Variants in MMP8 observed in about 807,000 individuals in gnomAD.
The protein encoded by MMP8 is neutrophil collagenase.
In MMP8, 67 loss-of-function variants were observed where a neutral mutation model predicts 51.2. The ratio of observed to expected loss-of-function variants is 1.31; its 90% CI spans 1.08 to 1.60. The LOEUF (loss-of-function observed/expected upper bound fraction) is 1.60. MMP8 is among the 40% of genes most tolerant of loss of function. The probability of loss-of-function intolerance (pLI) is 0.00; values close to 1 mark genes in which losing one functional copy is unlikely to be tolerated. For missense variants in MMP8, 654 were observed against 558.1 expected, an observed-to-expected ratio of 1.17 and a Z score of -1.73; for synonymous variants, 225 against 191.0, an observed-to-expected ratio of 1.18 and a Z score of -1.47.
chr11:102,721,621 G>A lies in MMP8; in HGVS notation c.489C>T (p.Tyr163=). 1 of 1,613,756 alleles carries A rather than the reference G, an allele frequency of 6.2e-7. No individual in the cohort carries two copies. ...TGACTGCTTTGTACCTACCTCTTTG[G>A]TAAAAAGCAATGTTGATATCTGCCT... The part of the protein sequence containing the change: ...QGEADINIAF[Y]QRDHGDNSPF... The change falls in exon 3 of 10, where the codon TAC becomes TAT. Residue 163 remains tyrosine, a synonymous_variant. Transcript: ENST00000236826.
chr11:102,718,615 T>C, intron 4 of MMP8, 40 bp from the exon 5 acceptor site: 1 of 1,610,808 alleles, frequency 6.2e-7, no homozygotes, highest in Non-Finnish European at 8.5e-7. Flanking sequence ...TCAGTGTGGA[T>C]CCCAGGGTGG....
intron 5 of MMP8, among the ~76,000 whole-genome samples, chr11:102,717,844 C>A (rs757841452): frequency 6.6e-6 from 1 of 152,178 alleles, no homozygotes; most frequent in South Asian, 2.1e-4. Flanking sequence ...CAATGGCTCA[C>A]GCCTGTAATC....
intron 4 of MMP8, among the ~76,000 whole-genome samples, chr11:102,719,260 C>G (rs1176943088): frequency 2.0e-5 from 3 of 152,178 alleles, no homozygotes; most frequent in African/African-American, 7.2e-5. Context: ...CCTCTTTTGC[C>G]TGGCCTTCAA....
chr11:102,722,519 A>G lies in MMP8; in HGVS notation c.257T>C (p.Met86Thr). 1 of 1,613,940 alleles carries G rather than the reference A, an allele frequency of 6.2e-7. No homozygotes were observed. The highest frequency in any genetic ancestry group is 1.3e-5 in the African/African-American group (1 of 75,018). Residue 86 changes from methionine to threonine, a missense_variant, in exon 2 of 10, where the codon ATG (methionine) becomes ACG (threonine). Coordinates refer to ENST00000236826, the MANE Select transcript of MMP8 (RefSeq NM_002424.3). ...GKPNEETLDM[M>T]KKPRCGVPDS... is the part of the protein sequence containing the mutation. The stretch of plus-strand genomic sequence containing the variant: ...AGGCACTCCACAGCGAGGCTTTTTC[A>G]TCATGTCCAGAGTTTCCTCATTTGG...
Position 102,712,750 on chromosome 11 carries a change from T to C in MMP8, c.*598A>G, listed in dbSNP as rs1197272803. On this transcript the variant is annotated 3_prime_UTR_variant, in exon 10 of 10. Transcript: ENST00000236826. Reference sequence around the variant, plus strand: ...CAGTGTGATCTCACCTTAACTTAACTAATTACATCTGCAAAGACCCTGGTA... The same window carrying C: ...CAGTGTGATCTCACCTTAACTTAACCAATTACATCTGCAAAGACCCTGGTA... The C allele has an allele frequency of 1.3e-5, 2 of 152,234 alleles. No individual in the cohort carries two copies. Among genetic ancestry groups the C allele is most frequent in the Non-Finnish European group, 2.9e-5 (2 of 68,110 alleles). 9.4% of individuals were successfully genotyped at this position (152,234 alleles called of 1,614,324 possible).
chr11:102,715,186 A>G (rs1861251764), intron 7 of MMP8, 118 bp downstream of exon 7: 1 of 1,292,298 alleles, frequency 7.7e-7, no homozygotes, highest in African/African-American at 1.5e-5. Flanking sequence ...CTTCTGGCAA[A>G]AGCCTGGCCA....
rs11225393 is a variant in MMP8 at position 102,718,113 on chromosome 11, C to G, written c.784+301G>C. On this transcript the variant is annotated intron_variant, in intron 5 of 9. Coordinates refer to ENST00000236826, the MANE Select transcript of MMP8 (RefSeq NM_002424.3). ...CAGAGTGAGACTCCATCCCCCCCCCCAAAAAAAATTTAAAATTGGAAATTT... is the reference window on the plus strand; with the variant it reads ...CAGAGTGAGACTCCATCCCCCCCCCGAAAAAAAATTTAAAATTGGAAATTT... Among the ~76,000 whole-genome samples the G allele has an allele frequency of 1.5e-3, 155 of 100,320 alleles. 1 individual carries two copies. The highest frequency in any genetic ancestry group is 2.8e-3 in the Non-Finnish European group (129 of 45,698). 65.8% of individuals were successfully genotyped at this position (100,320 alleles called of 152,430 possible).
At chr11:102,716,771 T>A (rs1242618042) in intron 5 of MMP8, among the ~76,000 whole-genome samples, 1 of 152,170 alleles carries the variant, frequency 6.6e-6, no homozygotes, top group East Asian at 1.9e-4. Flanking sequence ...ATTGCCTCTC[T>A]CCTCACCAAA....
chr11:102,716,486 G>A (rs887568728), intron 5 of MMP8, 67 bp from the exon 6 acceptor site: 14 of 976,784 alleles, frequency 1.4e-5, no homozygotes, highest in Non-Finnish European at 2.1e-5. Context: ...TGACTCTTGG[G>A]TACATCAGAG....
intron 9 of MMP8, 53 bp from the exon 10 acceptor site, chr11:102,713,510 G>A: frequency 7.0e-7 from 1 of 1,424,982 alleles, no homozygotes; most frequent in African/African-American, 1.4e-5. Flanking sequence ...TATCTCAGAT[G>A]TCTTCAGTTA....
intron 1 of MMP8, chr11:102,723,594 A>G (rs776448012): frequency 2.3e-6 from 1 of 436,196 alleles, no homozygotes; most frequent in South Asian, 1.6e-5. Context: ...AGCATGTGTG[A>G]AAAGGGGCAA....
intron 5 of MMP8, among the ~76,000 whole-genome samples, chr11:102,717,223 T>C (rs1181469802): frequency 6.6e-6 from 1 of 152,164 alleles, no homozygotes; most frequent in Non-Finnish European, 1.5e-5. Context: ...AATCCCTTAT[T>C]GGTTTCTTGT....
rs1861163798 is a variant in MMP8 at position 102,712,828 on chromosome 11, G to A, written c.*520C>T. On this transcript the variant is annotated 3_prime_UTR_variant, in exon 10 of 10. Transcript: ENST00000236826. ...AGAACTTCAACATATCTTTTATGGG[G>A]GACACAATTCAACCCACGAAACATA... 6.6e-6 allele frequency: 1 copy of A among 152,262 alleles called. No individual in the cohort carries two copies. Among genetic ancestry groups the A allele is most frequent in the Non-Finnish European group, 1.5e-5 (1 of 68,222 alleles). 9.4% of individuals were successfully genotyped at this position (152,262 alleles called of 1,614,324 possible).
intron 4 of MMP8, among the ~76,000 whole-genome samples, chr11:102,719,252 T>C (rs1428637587): frequency 6.6e-6 from 1 of 152,124 alleles, no homozygotes; most frequent in African/African-American, 2.4e-5. Flanking sequence ...AAGCCCAACC[T>C]CTTTTGCCTG....
chr11:102,722,696 G>A (rs567182547), intron 1 of MMP8, 23 bp from the exon 2 acceptor site: 5 of 1,609,678 alleles, frequency 3.1e-6, no homozygotes, highest in Non-Finnish European at 4.2e-6. Flanking sequence ...AAGCACATAG[G>A]GGTCTTGCTG....
intron 2 of MMP8, among the ~76,000 whole-genome samples, chr11:102,722,012 T>A (rs1047476978): frequency 6.6e-5 from 10 of 152,018 alleles, no homozygotes; most frequent in African/African-American, 2.4e-4. Context: ...AGGGCTGCCG[T>A]GGGGATTAAA....
intron 4 of MMP8, among the ~76,000 whole-genome samples, chr11:102,720,319 G>T (rs1473717103): frequency 2.0e-5 from 3 of 152,170 alleles, no homozygotes; most frequent in African/African-American, 7.2e-5. Flanking sequence ...AGCACATACT[G>T]GAGATGGAGA....
intron 1 of MMP8, chr11:102,723,015 T>C: frequency 7.7e-7 from 1 of 1,298,180 alleles, no homozygotes; most frequent in East Asian, 5.4e-5. Context: ...CTTGAGGTAT[T>C]TGTTGCATCA....
intron 8 of MMP8, among the ~76,000 whole-genome samples, chr11:102,714,316 G>A (rs1027559172): frequency 1.3e-5 from 2 of 151,976 alleles, no homozygotes; most frequent in Non-Finnish European, 2.9e-5. Flanking sequence ...CTTTGTTAAG[G>A]TTTTCTTTGT....
Sources: allele counts gnomAD v4.1 joint callset (sites outside exome capture counted in the v4.1 genomes callset), GRCh38; gene constraint gnomAD v4.1.1; transcripts MANE v1.5; gene names NCBI Gene and HGNC (gene_info 2026-07-23, HGNC 2026-07-21).